Variants in DAB1 observed in about 807,000 individuals in gnomAD.
DAB1 encodes disabled homolog 1.
A neutral mutation model predicts 64.6 loss-of-function variants in DAB1; 15 were observed. That is an observed-to-expected ratio of 0.23 (90% confidence interval 0.16 to 0.36). DAB1 has a LOEUF of 0.36. Ranked by LOEUF, DAB1 falls within the 10% of genes least tolerant of loss-of-function variation. DAB1 has a pLI of 1.00. For missense variants in DAB1, 596 were observed against 706.7 expected (o/e 0.84, Z 1.78); for synonymous variants, 235 against 251.9 (o/e 0.93, Z 0.64).
At chr1:57,551,133 G>A (rs916583519) in intron 7 of DAB1, among the ~76,000 whole-genome samples, 7 of 152,092 alleles carry the variant, frequency 4.6e-5, no homozygotes, top group Non-Finnish European at 7.3e-5. Context: ...TAGCACGTTC[G>A]TCTTGACAAT....
chr1:57,368,380 C>T (rs1312834947), intron 1 of DAB1, among the ~76,000 whole-genome samples: 10 of 152,146 alleles, frequency 6.6e-5, no homozygotes, highest in Admixed American at 1.3e-4. Context: ...GCCAGTCCCA[C>T]GAACCAGAGT....
intron 2 of DAB1, among the ~76,000 whole-genome samples, chr1:57,203,978 C>T (rs540872212): frequency 1.8e-3 from 281 of 152,236 alleles, no homozygotes; most frequent in South Asian, 1.9e-3. Context: ...CACCCTCTGC[C>T]TCCCAGGTTC....
At chr1:58,249,685 C>A (rs779854025) in intron 4 of DAB1, among the ~76,000 whole-genome samples, 29 of 152,132 alleles carry the variant, frequency 1.9e-4, no homozygotes, top group Non-Finnish European at 3.7e-4. Flanking sequence ...AGAGTCCAGT[C>A]GTCGACGCGG....
intron 4 of DAB1, among the ~76,000 whole-genome samples, chr1:58,248,532 A>AT (rs1320979756): frequency 6.6e-6 from 1 of 152,128 alleles, no homozygotes; most frequent in African/African-American, 2.4e-5. Context: ...ACACCTCTAG[A>AT]TTTTGAACAG....
At chr1:58,289,515 T>C (rs1031987288) in intron 4 of DAB1, among the ~76,000 whole-genome samples, 4 of 152,216 alleles carry the variant, frequency 2.6e-5, no homozygotes, top group African/African-American at 9.6e-5. Flanking sequence ...GGGAAACCAT[T>C]AAAGTTTAGA....
intron 2 of DAB1, among the ~76,000 whole-genome samples, chr1:57,258,216 G>A (rs1238944111): frequency 6.6e-6 from 1 of 152,102 alleles, no homozygotes; most frequent in African/African-American, 2.4e-5. Context: ...AAAGCAGTAG[G>A]GACGCAAGCA....
chr1:57,413,716 C>G (rs1684283550), intron 1 of DAB1, among the ~76,000 whole-genome samples: 1 of 143,114 alleles, frequency 7.0e-6, no homozygotes, highest in South Asian at 2.2e-4. Context: ...TGCACTCCAG[C>G]CCAGGCGACA....
chr1:57,016,476 C>T (rs1398842854), intron 11 of DAB1, among the ~76,000 whole-genome samples: 4 of 151,740 alleles, frequency 2.6e-5, no homozygotes, highest in Non-Finnish European at 5.9e-5. Context: ...TCCATAGTCT[C>T]GGCACTCAGG....
intron 5 of DAB1, among the ~76,000 whole-genome samples, chr1:57,980,442 A>G (rs1279376518): frequency 6.6e-6 from 1 of 152,192 alleles, no homozygotes; most frequent in African/African-American, 2.4e-5. Context: ...ATAAATTAAC[A>G]AATGGGGAGA....
intron 7 of DAB1, among the ~76,000 whole-genome samples, chr1:57,636,160 G>A (rs531578110): frequency 9.3e-4 from 139 of 149,130 alleles, no homozygotes; most frequent in African/African-American, 3.4e-3. Context: ...AAACACTGGA[G>A]CACTCTCTCC....
At chr1:58,434,752 C>T (rs1644923195) in intron 3 of DAB1, among the ~76,000 whole-genome samples, 1 of 152,154 alleles carries the variant, frequency 6.6e-6, no homozygotes, top group Non-Finnish European at 1.5e-5. Context: ...CTTTGACACC[C>T]CAAAGATATG....
chr1:57,341,263 T>C (rs940423692), intron 1 of DAB1, among the ~76,000 whole-genome samples: 6 of 152,180 alleles, frequency 3.9e-5, no homozygotes, highest in African/African-American at 1.4e-4. Flanking sequence ...TGGACCCTGA[T>C]TCTTCCTACC....
chr1:57,531,217 A>G (rs1247598210), intron 7 of DAB1, among the ~76,000 whole-genome samples: 1 of 152,114 alleles, frequency 6.6e-6, no homozygotes, highest in Non-Finnish European at 1.5e-5. Flanking sequence ...CCCCACCTTA[A>G]CTGAGCAATT....
intron 5 of DAB1, among the ~76,000 whole-genome samples, chr1:58,002,680 T>G (rs1187991): frequency 0.65 from 98,604 of 151,812 alleles, 32,656 homozygotes; most frequent in East Asian, 0.96. Context: ...TATATATATA[T>G]AGAGAGAGAG....
intron 3 of DAB1, among the ~76,000 whole-genome samples, chr1:58,391,305 C>T (rs766495550): frequency 2.6e-5 from 4 of 152,200 alleles, no homozygotes; most frequent in East Asian, 1.9e-4. Context: ...CAGATTGTGT[C>T]GCTTCTCTCT....
At chr1:57,134,273 C>T (rs1218215338) in intron 4 of DAB1, among the ~76,000 whole-genome samples, 1 of 152,180 alleles carries the variant, frequency 6.6e-6, no homozygotes, top group East Asian at 1.9e-4. Context: ...GCTCCTCTTC[C>T]TACTTGACAA....
At chr1:57,538,518 C>T (rs1644757690) in intron 7 of DAB1, among the ~76,000 whole-genome samples, 1 of 152,118 alleles carries the variant, frequency 6.6e-6, no homozygotes, top group Non-Finnish European at 1.5e-5. Flanking sequence ...CACACCAACC[C>T]CTTTTACTCT....
At position 57,525,241 on chromosome 1, in the gene DAB1, C is replaced by T; in HGVS notation, n.625+124351G>A. Among the ~76,000 whole-genome samples, 3 of 152,222 alleles carry T rather than the reference C, an allele frequency of 2.0e-5. 1 individual carries two copies. The South Asian group carries it at 6.2e-4, about 32-fold the overall frequency. ...AGAATGGTCATGGGAAATTCCCAAA[C>T]AGCAATGCACCAAGCCTGGTAATCA... On this transcript the variant is annotated intron_variant and non_coding_transcript_variant, in intron 7 of 20. Coordinates refer to the DAB1 transcript ENST00000485760.
intron 1 of DAB1, among the ~76,000 whole-genome samples, chr1:57,313,885 C>A (rs1395008019): frequency 6.6e-6 from 1 of 152,072 alleles, no homozygotes; most frequent in East Asian, 1.9e-4. Flanking sequence ...AGTCCCTCAC[C>A]CCTTCCACCG....
Sources: allele counts gnomAD v4.1 joint callset (sites outside exome capture counted in the v4.1 genomes callset), GRCh38; gene constraint gnomAD v4.1.1; transcripts MANE v1.5; gene names NCBI Gene and HGNC (gene_info 2026-07-23, HGNC 2026-07-21).